SOX6: variants seen among roughly 807,000 people sequenced by gnomAD.
SOX6 encodes transcription factor SOX-6.
A neutral mutation model predicts 97.8 loss-of-function variants in SOX6; 11 were observed. The ratio of observed to expected loss-of-function variants is 0.11; its 90% CI spans 0.07 to 0.19. The LOEUF is 0.19. Ranked by LOEUF, SOX6 falls within the 10% of genes least tolerant of loss-of-function variation. The pLI is 1.00. For missense variants in SOX6, 810 were observed against 1,039.5 expected, an observed-to-expected ratio of 0.78 and a Z score of 3.04; for synonymous variants, 360 against 371.4, an observed-to-expected ratio of 0.97 and a Z score of 0.35.
chr11:16,514,676 C>T (rs1860937664), intron 4 of SOX6, among the ~76,000 whole-genome samples: 1 of 148,396 alleles, frequency 6.7e-6, no homozygotes, highest in South Asian at 2.2e-4. Flanking sequence ...AGGTATATCT[C>T]CCAATGCTAT....
At chr11:16,563,292 A>T (rs1310186292) in intron 4 of SOX6, among the ~76,000 whole-genome samples, 3 of 152,162 alleles carry the variant, frequency 2.0e-5, no homozygotes, top group African/African-American at 4.8e-5. Context: ...TAAATTTTTT[A>T]AAATAGCTGG....
intron 3 of SOX6, among the ~76,000 whole-genome samples, chr11:16,241,557 G>A (rs1014971964): frequency 5.3e-5 from 8 of 151,974 alleles, no homozygotes; most frequent in African/African-American, 1.9e-4. Context: ...TGTATCCAGT[G>A]TGTCCTATAT....
Position 16,417,409 on chromosome 11 carries a change from C to T in SOX6, c.-5+58906G>A, listed in dbSNP as rs568833610. ...AGGTGCTAAAGAAGTCAGAAAGATCCTTGGCAGGGCAGGCATTTACAACCC... is the reference window on the plus strand; with the variant it reads ...AGGTGCTAAAGAAGTCAGAAAGATCTTTGGCAGGGCAGGCATTTACAACCC... On this transcript the variant is annotated intron_variant, in intron 1 of 15. Transcript: ENST00000396356. Among the ~76,000 whole-genome samples, 14 of 152,230 alleles carry T rather than the reference C, an allele frequency of 9.2e-5. No individual in the cohort carries two copies. In the South Asian group the frequency reaches 2.9e-3, roughly 32 times the overall value.
chr11:16,139,116 AATATAC>A (rs1850059015), intron 6 of SOX6, among the ~76,000 whole-genome samples: 2 of 152,178 alleles, frequency 1.3e-5, no homozygotes, highest in Non-Finnish European at 2.9e-5. Flanking sequence ...CCCATCAGGT[AATATAC>A]ATCAATTTAT....
At chr11:16,642,838 A>G (rs569342339) in intron 3 of SOX6, among the ~76,000 whole-genome samples, 1 of 152,172 alleles carries the variant, frequency 6.6e-6, no homozygotes, top group East Asian at 1.9e-4. Flanking sequence ...AAGGTTTTTA[A>G]CTTCTTTGCC....
chr11:16,615,884 T>C (rs1848465758), intron 3 of SOX6, among the ~76,000 whole-genome samples: 1 of 152,130 alleles, frequency 6.6e-6, no homozygotes, highest in African/African-American at 2.4e-5. Context: ...TTTTTTGAAC[T>C]GAAAGTTATC....
chr11:16,152,666 G>A (rs1341723773), intron 6 of SOX6, among the ~76,000 whole-genome samples: 6 of 151,808 alleles, frequency 4.0e-5, no homozygotes, highest in Non-Finnish European at 8.8e-5. Context: ...CTACTTCCTA[G>A]CTTCATGTTT....
At chr11:16,245,323 T>C (rs1423467253) in intron 3 of SOX6, among the ~76,000 whole-genome samples, 1 of 151,748 alleles carries the variant, frequency 6.6e-6, no homozygotes, top group Non-Finnish European at 1.5e-5. Context: ...TCATTTTACA[T>C]TTGAGATTTG....
intron 12 of SOX6, among the ~76,000 whole-genome samples, chr11:16,040,199 C>T (rs1475056928): frequency 6.6e-6 from 1 of 152,050 alleles, no homozygotes; most frequent in Non-Finnish European, 1.5e-5. Flanking sequence ...TTTATTCCTA[C>T]ACCTACACCT....
At chr11:16,636,395 G>A (rs1326662165) in intron 3 of SOX6, among the ~76,000 whole-genome samples, 1 of 152,196 alleles carries the variant, frequency 6.6e-6, no homozygotes, top group Non-Finnish European at 1.5e-5. Flanking sequence ...ATTAGGAATG[G>A]CTGTATTTAC....
At chr11:16,118,841 A>G (rs1849418672) in intron 6 of SOX6, among the ~76,000 whole-genome samples, 1 of 152,224 alleles carries the variant, frequency 6.6e-6, no homozygotes, top group East Asian at 1.9e-4. Flanking sequence ...AGACAGTGCA[A>G]AAATGAGGGT....
At chr11:16,275,598 A>T (rs911731714) in intron 3 of SOX6, among the ~76,000 whole-genome samples, 1 of 152,192 alleles carries the variant, frequency 6.6e-6, no homozygotes, top group Non-Finnish European at 1.5e-5. Context: ...TCCTCCTATC[A>T]CCTAAGATCA....
chr11:16,555,521 C>T (rs2133187985), intron 4 of SOX6, among the ~76,000 whole-genome samples: 1 of 151,654 alleles, frequency 6.6e-6, no homozygotes, highest in South Asian at 2.1e-4. Context: ...GTAATGATCA[C>T]ATCAGGGTAC....
intron 4 of SOX6, among the ~76,000 whole-genome samples, chr11:16,486,717 C>T (rs576026492): frequency 1.3e-5 from 2 of 151,660 alleles, no homozygotes; most frequent in South Asian, 2.1e-4. Context: ...AAAGATTGGC[C>T]GAGCATGATA....
At chr11:16,492,461 A>T (rs1247016148) in intron 4 of SOX6, among the ~76,000 whole-genome samples, 1 of 152,200 alleles carries the variant, frequency 6.6e-6, no homozygotes, top group Non-Finnish European at 1.5e-5. Flanking sequence ...GAGATGGGGG[A>T]GTAAACACCA....
chr11:16,483,984 G>A (rs1252649310), intron 4 of SOX6: 4 of 847,212 alleles, frequency 4.7e-6, no homozygotes, highest in Non-Finnish European at 6.2e-6. Context: ...TGATCACCTT[G>A]ATCCTGGGAT....
At chr11:16,002,159 G>A (rs947719757) in intron 13 of SOX6, among the ~76,000 whole-genome samples, 5 of 152,110 alleles carry the variant, frequency 3.3e-5, no homozygotes, top group Middle Eastern at 3.2e-3. Context: ...ACAAACACAC[G>A]ACCGGAGTGG....
intron 6 of SOX6, among the ~76,000 whole-genome samples, chr11:16,132,941 C>T (rs1467779738): frequency 6.6e-6 from 1 of 151,942 alleles, no homozygotes; most frequent in African/African-American, 2.4e-5. Context: ...AGTTTTATTT[C>T]ATTGAACAGT....
intron 4 of SOX6, among the ~76,000 whole-genome samples, chr11:16,534,163 T>C (rs1476589563): frequency 6.6e-6 from 1 of 152,140 alleles, no homozygotes; most frequent in Non-Finnish European, 1.5e-5. Context: ...CAAATTCTTA[T>C]TCATCTCTTA....
Sources: gnomAD v4.1 joint callset for allele counts (sites outside exome capture counted in the v4.1 genomes callset) on GRCh38, gnomAD v4.1.1 for gene constraint, MANE v1.5 for transcripts, NCBI Gene and HGNC (gene_info 2026-07-23, HGNC 2026-07-21) for gene names.